Variants in TOM1L2 observed in about 807,000 individuals in gnomAD.
The protein encoded by TOM1L2 is TOM1-like protein 2.
TOM1L2 carries 31 observed loss-of-function variants against 67.9 expected under a neutral mutation model. That is an observed-to-expected ratio of 0.46 (90% CI 0.34 to 0.62). The LOEUF is 0.62. Among genes scored for constraint, TOM1L2 ranks in the 20% least tolerant of loss-of-function variants. TOM1L2 has a pLI of 0.01. For synonymous variants in TOM1L2, 256 were observed against 254.0 expected (o/e 1.01, Z -0.07); for missense variants, 606 against 663.5 (o/e 0.91, Z 0.95).
At position 17,866,334 on chromosome 17, in the gene TOM1L2, G is replaced by A. The variant is rs375083600; in HGVS notation, c.1046C>T (p.Ala349Val). 9.3e-6 allele frequency: 15 copies of A among 1,612,338 alleles called. No individual in the cohort carries two copies. The highest frequency in any genetic ancestry group is 2.7e-5 in the African/African-American group (2 of 75,032). ...AVVSPMVGNT[A>V]PPSSLSSQLA... ...CTGGGAGGAGAGGGAAGATGGGGGC[G>A]CTGTGTTCCCCACCATTGGGCTCAC... is the stretch of plus-strand genomic sequence containing the variant. The change falls in exon 10 of 15, where the codon GCG becomes GTG. Residue 349 changes from alanine (A) to valine (V), a missense_variant. Coordinates refer to ENST00000379504, the MANE Select transcript of TOM1L2 (RefSeq NM_001082968.2).
intron 11 of TOM1L2, 37 bp downstream of exon 11, chr17:17,862,694 A>C: frequency 1.3e-6 from 2 of 1,549,786 alleles, no homozygotes; most frequent in African/African-American, 1.4e-5. Flanking sequence ...AATCCCCCCA[A>C]TATCTTTAGA....
chr17:17,904,082 C>T (rs2038980077), intron 2 of TOM1L2, among the ~76,000 whole-genome samples: 1 of 152,160 alleles, frequency 6.6e-6, no homozygotes, highest in Non-Finnish European at 1.5e-5. Context: ...ATCCTCCTGC[C>T]TCAGCCTTCT....
intron 3 of TOM1L2, among the ~76,000 whole-genome samples, chr17:17,894,986 T>C (rs1371111825): frequency 6.6e-6 from 1 of 152,002 alleles, no homozygotes; most frequent in Non-Finnish European, 1.5e-5. Context: ...CATGCATGCA[T>C]GCATGCATAA....
At chr17:17,865,518 A>AGT in intron 10 of TOM1L2, among the ~76,000 whole-genome samples, 2 of 152,058 alleles carry the variant, frequency 1.3e-5, no homozygotes, top group African/African-American at 4.8e-5. Flanking sequence ...CTGGGACTAC[A>AGT]GGTGCCCGCC....
rs535401417 is a variant in TOM1L2 at position 17,878,458 on chromosome 17, GT to G, written c.777+1168del. ...TGCACCTCTGTGCCCCTAGGACTGT[GT>G]TTTGTGTCAGGCCTGGAACAGGTCT... On this transcript the variant is annotated intron_variant, in intron 7 of 14. Transcript: ENST00000379504. 5.9e-5 allele frequency among the ~76,000 whole-genome samples: 9 copies of G among 152,380 alleles called. No individual in the cohort carries two copies. In the South Asian group the frequency reaches 1.9e-3, roughly 32 times the overall value.
intron 1 of TOM1L2, among the ~76,000 whole-genome samples, chr17:17,944,670 T>C (rs1009583577): frequency 7.9e-5 from 12 of 152,236 alleles, no homozygotes; most frequent in African/African-American, 2.7e-4. Flanking sequence ...ATGATTTTTA[T>C]TTAACATAGT....
At chr17:17,920,316 G>A (rs1054290759) in intron 1 of TOM1L2, among the ~76,000 whole-genome samples, 5 of 143,534 alleles carry the variant, frequency 3.5e-5, no homozygotes, top group South Asian at 4.5e-4. Flanking sequence ...TCTTCTCACC[G>A]TTTCCGCTAA....
chr17:17,955,885 T>C (rs1484370914), intron 1 of TOM1L2, among the ~76,000 whole-genome samples: 6 of 152,194 alleles, frequency 3.9e-5, no homozygotes, highest in Admixed American at 2.6e-4. Context: ...CTGCAGACCT[T>C]CGCGGTGAGT....
At chr17:17,918,415 G>A (rs77334048) in intron 1 of TOM1L2, among the ~76,000 whole-genome samples, 1 of 152,240 alleles carries the variant, frequency 6.6e-6, no homozygotes, top group East Asian at 1.9e-4. Flanking sequence ...TTGAATAGAA[G>A]TGGTGAAAGG....
chr17:17,936,860 C>T (rs1242968992), intron 1 of TOM1L2, among the ~76,000 whole-genome samples: 1 of 152,148 alleles, frequency 6.6e-6, no homozygotes, highest in Non-Finnish European at 1.5e-5. Flanking sequence ...TTTTTCTCTA[C>T]TTCTCTACAT....
chr17:17,939,969 G>A (rs1455137558), intron 1 of TOM1L2, among the ~76,000 whole-genome samples: 1 of 151,838 alleles, frequency 6.6e-6, no homozygotes, highest in Non-Finnish European at 1.5e-5. Context: ...AAGTCGGGAG[G>A]ATCACTTGAG....
chr17:17,897,226 T>C (rs562115954), intron 3 of TOM1L2, among the ~76,000 whole-genome samples: 2 of 152,368 alleles, frequency 1.3e-5, no homozygotes, highest in African/African-American at 4.8e-5. Flanking sequence ...GCCACTCGTT[T>C]TGGGCATCAC....
At chr17:17,854,992 TAG>T (rs1362712244) in intron 12 of TOM1L2, among the ~76,000 whole-genome samples, 1 of 152,158 alleles carries the variant, frequency 6.6e-6, no homozygotes, top group Non-Finnish European at 1.5e-5. Flanking sequence ...TGCCCTCCAA[TAG>T]AGACTGCTGC....
chr17:17,903,193 C>T (rs1166088906), intron 2 of TOM1L2, among the ~76,000 whole-genome samples: 1 of 152,146 alleles, frequency 6.6e-6, no homozygotes. Context: ...ACCCAGCACT[C>T]GTTATGCATA....
At chr17:17,860,303 C>T (rs2036484427) in intron 12 of TOM1L2, among the ~76,000 whole-genome samples, 1 of 152,230 alleles carries the variant, frequency 6.6e-6, no homozygotes, top group Non-Finnish European at 1.5e-5. Context: ...TTTTGAGTGT[C>T]CCAGTCTCAG....
At chr17:17,968,169 G>A (rs747792852) in intron 1 of TOM1L2, among the ~76,000 whole-genome samples, 2 of 152,144 alleles carry the variant, frequency 1.3e-5, no homozygotes, top group African/African-American at 2.4e-5. Flanking sequence ...TACCTCTACC[G>A]AAGGCTCCCT....
intron 1 of TOM1L2, among the ~76,000 whole-genome samples, chr17:17,920,143 G>C (rs1314721143): frequency 1.3e-5 from 2 of 152,042 alleles, no homozygotes; most frequent in African/African-American, 4.8e-5. Flanking sequence ...TTTAGGTGAA[G>C]TCTTAAGTGT....
chr17:17,918,485 C>G (rs1284446489), intron 1 of TOM1L2, among the ~76,000 whole-genome samples: 2 of 152,116 alleles, frequency 1.3e-5, no homozygotes, highest in Non-Finnish European at 1.5e-5. Flanking sequence ...TGAGAGCAAA[C>G]AAAGCTGAAG....
intron 1 of TOM1L2, among the ~76,000 whole-genome samples, chr17:17,920,633 C>T (rs867165818): frequency 6.8e-6 from 1 of 146,410 alleles, no homozygotes; most frequent in African/African-American, 2.5e-5. Flanking sequence ...CCACTGCGCC[C>T]GGCTTTTTTT....
Sources: gnomAD v4.1 joint callset for allele counts (sites outside exome capture counted in the v4.1 genomes callset) on GRCh38, gnomAD v4.1.1 for gene constraint, MANE v1.5 for transcripts, NCBI Gene and HGNC (gene_info 2026-07-23, HGNC 2026-07-21) for gene names.